XKR9: variants seen among roughly 807,000 people sequenced by gnomAD.
XKR9 encodes the protein XK-related protein 9.
Under a neutral mutation model 32.0 loss-of-function variants are expected in XKR9, and 32 were observed. The observed-to-expected ratio is 1.00, with a 90% CI of 0.76 to 1.34. The LOEUF (loss-of-function observed/expected upper bound fraction) is 1.34, where lower values mean the gene tolerates loss of function less well. Ranked by LOEUF, XKR9 falls within the 40% of genes most tolerant of loss-of-function variation. The probability of loss-of-function intolerance (pLI) is 0.00; values close to 1 mark genes in which losing one functional copy is unlikely to be tolerated. For synonymous variants in XKR9, 168 were observed against 143.4 expected, an observed-to-expected ratio of 1.17 and a Z score of -1.22; for missense variants, 546 against 429.7, an observed-to-expected ratio of 1.27 and a Z score of -2.39.
chr8:70,790,858 G>T (rs901128244), downstream of XKR9, among the ~76,000 whole-genome samples: 2 of 151,988 alleles, frequency 1.3e-5, no homozygotes, highest in South Asian at 2.1e-4. Context: ...AAAGATCAAG[G>T]TGCTGGCAGA....
At chr8:70,685,178 A>C (rs1181402106) in intron 3 of XKR9, among the ~76,000 whole-genome samples, 1 of 151,908 alleles carries the variant, frequency 6.6e-6, no homozygotes, top group Non-Finnish European at 1.5e-5. Flanking sequence ...AAAAATGAAG[A>C]GTTCATGTCC....
the XKR9 span, among the ~76,000 whole-genome samples, chr8:71,064,166 A>G: frequency 6.6e-6 from 1 of 152,196 alleles, no homozygotes; most frequent in Non-Finnish European, 1.5e-5. Flanking sequence ...GAACTACCAT[A>G]TACCCATCAT....
chr8:70,969,060 C>T, the XKR9 span, among the ~76,000 whole-genome samples: 4 of 152,194 alleles, frequency 2.6e-5, no homozygotes, highest in African/African-American at 9.6e-5. Context: ...TTTCATAATG[C>T]TGCTTACTTT....
intron 2 of XKR9, among the ~76,000 whole-genome samples, chr8:70,776,947 C>CTCTATATATATATATA: frequency 7.6e-4 from 41 of 54,206 alleles, no homozygotes; most frequent in African/African-American, 1.5e-3. Context: ...CTCTCTCTCT[C>CTCTATATATATATATA]TATATATATA....
At chr8:70,694,930 C>G (rs917891932) in intron 3 of XKR9, among the ~76,000 whole-genome samples, 2 of 152,190 alleles carry the variant, frequency 1.3e-5, no homozygotes, top group Non-Finnish European at 2.9e-5. Context: ...TGCTGAGACT[C>G]TACATAGCTC....
chr8:70,716,900 A>G (rs1443828966), intron 4 of XKR9, among the ~76,000 whole-genome samples: 1 of 152,208 alleles, frequency 6.6e-6, no homozygotes, highest in African/African-American at 2.4e-5. Flanking sequence ...TACTTCCTAG[A>G]TACAATGTGG....
At chr8:71,040,830 C>G in the XKR9 span, among the ~76,000 whole-genome samples, 1 of 151,940 alleles carries the variant, frequency 6.6e-6, no homozygotes, top group Non-Finnish European at 1.5e-5. Context: ...TTAGCTATTC[C>G]TGTATTGGGG....
chr8:70,830,031 A>G, the XKR9 span, among the ~76,000 whole-genome samples: 3 of 152,054 alleles, frequency 2.0e-5, no homozygotes, highest in Non-Finnish European at 4.4e-5. Flanking sequence ...GCCTCTATTT[A>G]TTAAGAATAT....
At chr8:70,928,245 C>G in the XKR9 span, among the ~76,000 whole-genome samples, 1 of 152,062 alleles carries the variant, frequency 6.6e-6, no homozygotes, top group Non-Finnish European at 1.5e-5. Context: ...GGGTCTTGCT[C>G]TGTTGCCCAG....
intron 2 of XKR9, among the ~76,000 whole-genome samples, chr8:70,751,928 A>G (rs959759177): frequency 3.9e-5 from 6 of 152,164 alleles, no homozygotes; most frequent in Non-Finnish European, 1.5e-5. Flanking sequence ...ACATGAACCA[A>G]TTCCCATAAT....
chr8:70,698,966 T>A (rs1193639243), intron 3 of XKR9, among the ~76,000 whole-genome samples: 1 of 152,210 alleles, frequency 6.6e-6, no homozygotes, highest in Non-Finnish European at 1.5e-5. Flanking sequence ...TTTTGATCTT[T>A]GTTGGTTTAA....
chr8:70,744,464 C>T (rs1047465008), intron 2 of XKR9, among the ~76,000 whole-genome samples: 2 of 152,140 alleles, frequency 1.3e-5, no homozygotes, highest in African/African-American at 4.8e-5. Context: ...AACCAAGGCT[C>T]ATAGAGTTTA....
chr8:70,817,257 G>C, the XKR9 span, among the ~76,000 whole-genome samples: 1 of 152,076 alleles, frequency 6.6e-6, no homozygotes, highest in Non-Finnish European at 1.5e-5. Flanking sequence ...TCCTAGAACT[G>C]ATAAATGACT....
chr8:70,733,248 G>A (rs564289228), intron 4 of XKR9, among the ~76,000 whole-genome samples: 2 of 152,236 alleles, frequency 1.3e-5, no homozygotes, highest in Admixed American at 1.3e-4. Context: ...ATATCTTCAG[G>A]ATATGGGAAG....
At chr8:70,842,547 T>TACACACACACACAAACACACACAC in the XKR9 span, among the ~76,000 whole-genome samples, 1 of 149,026 alleles carries the variant, frequency 6.7e-6, no homozygotes, top group Non-Finnish European at 1.5e-5. Context: ...CATCATTATT[T>TACACACACACACAAACACACACAC]ACACACACAC....
At chr8:70,822,942 C>T in the XKR9 span, among the ~76,000 whole-genome samples, 14 of 151,940 alleles carry the variant, frequency 9.2e-5, no homozygotes, top group African/African-American at 2.9e-4. Context: ...TATAAAACAC[C>T]AAATACAGTG....
chr8:70,680,029 A>G (rs1049320128), intron 2 of XKR9, among the ~76,000 whole-genome samples: 1 of 152,014 alleles, frequency 6.6e-6, no homozygotes, highest in Non-Finnish European at 1.5e-5. Context: ...AAAATGTAGC[A>G]GTATAGAGAG....
the XKR9 span, among the ~76,000 whole-genome samples, chr8:70,870,729 G>A: frequency 6.6e-6 from 1 of 152,148 alleles, no homozygotes; most frequent in African/African-American, 2.4e-5. Context: ...GAAAGTTCTA[G>A]TTCCATGGCA....
At chr8:70,945,855 G>A in the XKR9 span, among the ~76,000 whole-genome samples, 1 of 152,170 alleles carries the variant, frequency 6.6e-6, no homozygotes, top group Admixed American at 6.5e-5. Flanking sequence ...AGAGACATGC[G>A]GCCAGGCGCG....
Sources: gnomAD v4.1 joint callset for allele counts (sites outside exome capture counted in the v4.1 genomes callset) on GRCh38, gnomAD v4.1.1 for gene constraint, MANE v1.5 for transcripts, NCBI Gene and HGNC (gene_info 2026-07-23, HGNC 2026-07-21) for gene names.